Variants in DMD observed in about 807,000 individuals in gnomAD.
DMD encodes the protein mutant dystrophin.
A neutral mutation model predicts 330.1 loss-of-function variants in DMD; 63 were observed. The ratio of observed to expected loss-of-function variants is 0.19; its 90% CI spans 0.16 to 0.24. The LOEUF is 0.24. Ranked by LOEUF, DMD falls within the 10% of genes least tolerant of loss-of-function variation. The pLI is 1.00. For synonymous variants in DMD, 1,223 were observed against 959.8 expected (o/e 1.27, Z -5.07); for missense variants, 3,344 against 2,684.1 (o/e 1.25, Z -5.43).
rs987364647 is a variant in DMD, at chrX:31,421,613, T to C, written c.9084+22868A>G. On this transcript the variant is annotated intron_variant, in intron 60 of 78. Transcript: ENST00000357033. The stretch of plus-strand genomic sequence containing the variant: ...TGCTATTGCAAAATGGAAAATATGA[T>C]GTAAACAGGCATTTTGGGCTTTCAG... Among the ~76,000 whole-genome samples, 8 of 110,957 alleles carry C rather than the reference T, an allele frequency of 7.2e-5. 1 individual carries two copies. Among genetic ancestry groups the C allele is most frequent in the Admixed American group, 5.8e-4 (6 of 10,328 alleles).
intron 78 of DMD, among the ~76,000 whole-genome samples, chrX:31,123,709 T>G (rs1255672622): frequency 8.9e-6 from 1 of 111,968 alleles, no homozygotes; most frequent in Non-Finnish European, 1.9e-5. Context: ...AAAAACAAAG[T>G]CCAGGACCTT....
intron 1 of DMD, among the ~76,000 whole-genome samples, chrX:33,140,140 A>G (rs754538919): frequency 7.1e-5 from 8 of 112,117 alleles, no homozygotes; most frequent in Non-Finnish European, 1.5e-4. Flanking sequence ...CCTGTCATTA[A>G]TTAGGTGTTG....
intron 43 of DMD, among the ~76,000 whole-genome samples, chrX:32,278,850 G>A (rs902735727): frequency 9.0e-6 from 1 of 111,496 alleles, no homozygotes; most frequent in African/African-American, 3.3e-5. Context: ...CCTCCGCAGT[G>A]AAACAATCAA....
intron 2 of DMD, among the ~76,000 whole-genome samples, chrX:32,854,508 C>T (rs186002136): frequency 3.6e-4 from 38 of 106,766 alleles, no homozygotes; most frequent in African/African-American, 1.3e-3. Flanking sequence ...ACACAGCATA[C>T]TAAAACTTGT....
intron 44 of DMD, among the ~76,000 whole-genome samples, chrX:32,091,863 G>T (rs900709919): frequency 9.0e-6 from 1 of 111,071 alleles, no homozygotes; most frequent in African/African-American, 3.3e-5. Context: ...AAGGGCTTGG[G>T]GGTTTATTAA....
At chrX:31,713,331 T>G (rs1299228654) in intron 52 of DMD, among the ~76,000 whole-genome samples, 1 of 112,155 alleles carries the variant, frequency 8.9e-6, no homozygotes, top group Non-Finnish European at 1.9e-5. Flanking sequence ...AACACTGATC[T>G]AGGTTCTGGA....
intron 44 of DMD, among the ~76,000 whole-genome samples, chrX:32,135,602 A>G (rs1226981354): frequency 1.8e-5 from 2 of 111,761 alleles, no homozygotes; most frequent in Admixed American, 1.9e-4. Context: ...GTGCGCCAGT[A>G]GCCTCAGCTA....
rs1367757647 is a variant in DMD at position 31,228,267 on chromosome X, T to TA, written c.9287-5147dup. Among the ~76,000 whole-genome samples the TA allele has an allele frequency of 5.8e-4, 23 of 39,577 alleles. No individual in the cohort carries two copies. In the South Asian group the frequency reaches 0.023, roughly 40 times the overall value. 34.4% of individuals were successfully genotyped at this position (39,577 alleles called of 115,157 possible). On this transcript the variant is annotated intron_variant, in intron 63 of 78. Transcript: ENST00000357033. ...AACTTAAAGTATAATAAAAAAAAAATAAAAAAATAAAAAAAAAAAAAAAAG... is the reference window on the plus strand; with the variant it reads ...AACTTAAAGTATAATAAAAAAAAAATAAAAAAAATAAAAAAAAAAAAAAAAG...
chrX:32,579,672 T>C (rs2053443244), intron 13 of DMD, among the ~76,000 whole-genome samples: 1 of 112,986 alleles, frequency 8.9e-6, no homozygotes, highest in Non-Finnish European at 1.9e-5. Flanking sequence ...AGCTTAATGT[T>C]ATAATTTGAT....
intron 1 of DMD, among the ~76,000 whole-genome samples, chrX:33,319,225 A>AT (rs762876435): frequency 1.8e-5 from 2 of 110,832 alleles, no homozygotes; most frequent in African/African-American, 3.3e-5. Flanking sequence ...CCAGTTTATT[A>AT]TTTTTTTAGT....
chrX:32,633,235 A>G (rs952014200), intron 11 of DMD, among the ~76,000 whole-genome samples: 1 of 111,295 alleles, frequency 9.0e-6, no homozygotes, highest in Non-Finnish European at 1.9e-5. Context: ...TTAGAAATTC[A>G]TTCCGTCAGA....
rs531284195 is a variant in DMD at position 31,181,711 on chromosome X, TA to T, written c.9974+1026del. On this transcript the variant is annotated intron_variant, in intron 68 of 78. Coordinates refer to ENST00000357033, the MANE Select transcript of DMD (RefSeq NM_004006.3). Reference sequence around the variant, plus strand: ...ACTATGGAACAATAAACACCAAAAGTAAAAAAGCACTATGAATAAAAAGCAC... The same window carrying T: ...ACTATGGAACAATAAACACCAAAAGTAAAAAGCACTATGAATAAAAAGCAC... Among the ~76,000 whole-genome samples, 41 of 112,136 alleles carry T rather than the reference TA, an allele frequency of 3.7e-4. No individual in the cohort carries two copies. In the South Asian group the frequency reaches 0.012, roughly 33 times the overall value.
chrX:32,432,744 T>C (rs1004093218), intron 29 of DMD, among the ~76,000 whole-genome samples: 1 of 112,405 alleles, frequency 8.9e-6, no homozygotes, highest in African/African-American at 3.2e-5. Flanking sequence ...TAATAAAGCA[T>C]AATATGCCAC....
chrX:32,437,768 T>C (rs958519946), intron 29 of DMD, among the ~76,000 whole-genome samples: 3 of 112,802 alleles, frequency 2.7e-5, no homozygotes, highest in African/African-American at 9.6e-5. Context: ...TAGTTTTGAT[T>C]TGAAAAATCA....
chrX:31,405,613 G>C (rs1374671414), intron 60 of DMD, among the ~76,000 whole-genome samples: 1 of 111,561 alleles, frequency 9.0e-6, no homozygotes. Context: ...AAAATATTTA[G>C]AAAGTAGGAA....
intron 76 of DMD, among the ~76,000 whole-genome samples, chrX:31,146,072 G>T (rs1321317224): frequency 8.9e-6 from 1 of 112,387 alleles, no homozygotes; most frequent in African/African-American, 3.2e-5. Context: ...CCTCCTAACT[G>T]GTCTTCTCAC....
chrX:32,671,551 T>C (rs1569435407), intron 9 of DMD, among the ~76,000 whole-genome samples: 2 of 112,222 alleles, frequency 1.8e-5, no homozygotes, highest in Admixed American at 1.9e-4. Flanking sequence ...ATAATCATTT[T>C]CTGCCAAATA....
intron 1 of DMD, among the ~76,000 whole-genome samples, chrX:33,037,090 A>T (rs2094216914): frequency 9.0e-6 from 1 of 111,649 alleles, no homozygotes; most frequent in African/African-American, 3.3e-5. Flanking sequence ...GCCTTGAGAA[A>T]CATTTTAATC....
chrX:32,639,336 A>C (rs757173910), intron 11 of DMD, among the ~76,000 whole-genome samples: 49 of 111,275 alleles, frequency 4.4e-4, no homozygotes, highest in African/African-American at 1.6e-3. Flanking sequence ...TTTTCTTCCG[A>C]ATTCCTTACC....
Sources: allele counts gnomAD v4.1 joint callset (sites outside exome capture counted in the v4.1 genomes callset), GRCh38; gene constraint gnomAD v4.1.1; transcripts MANE v1.5; gene names NCBI Gene and HGNC (gene_info 2026-07-23, HGNC 2026-07-21).